MCMBP: variants seen among roughly 807,000 people sequenced by gnomAD.
The protein encoded by MCMBP is mini-chromosome maintenance complex-binding protein.
A neutral mutation model predicts 81.3 loss-of-function variants in MCMBP; 31 were observed. That is an observed-to-expected ratio of 0.38 (90% CI 0.29 to 0.51). The LOEUF (loss-of-function observed/expected upper bound fraction) is 0.51, where lower values mean the gene tolerates loss of function less well. MCMBP is among the 20% of genes least tolerant of loss of function. The pLI is 0.87. For synonymous variants in MCMBP, 267 were observed against 275.9 expected, an observed-to-expected ratio of 0.97 and a Z score of 0.32; for missense variants, 645 against 772.1, an observed-to-expected ratio of 0.84 and a Z score of 1.95.
chr10:119,861,948 G>A (rs1442946000), intron 1 of MCMBP, among the ~76,000 whole-genome samples: 1 of 152,016 alleles, frequency 6.6e-6, no homozygotes, highest in Admixed American at 6.6e-5. Flanking sequence ...TCCCTATGTT[G>A]TCCAGGTTGG....
At chr10:119,835,981 G>A (rs1852226572) in intron 13 of MCMBP, among the ~76,000 whole-genome samples, 1 of 152,024 alleles carries the variant, frequency 6.6e-6, no homozygotes, top group Non-Finnish European at 1.5e-5. Flanking sequence ...GACCACAGGT[G>A]CACGCCACCA....
At position 119,831,077 on chromosome 10, in the gene MCMBP, T is replaced by C. The variant is rs1205800507; in HGVS notation, c.*397A>G. The C allele has an allele frequency of 2.6e-5, 4 of 156,668 alleles. No individual in the cohort carries two copies. Among genetic ancestry groups the C allele is most frequent in the African/African-American group, 7.2e-5 (3 of 41,440 alleles). The allele number at this position is 156,668 out of a possible 1,614,324, so 9.7% of individuals were successfully genotyped here. On this transcript the variant is annotated 3_prime_UTR_variant, in exon 16 of 16. Transcript: ENST00000369077. ...TGGAAAAACAGAGAACTAGAAAACA[T>C]AAGAAATCCGAAGCACGATTCCTCT...
chr10:119,855,111 T>C (rs1416160046), intron 5 of MCMBP, among the ~76,000 whole-genome samples: 2 of 152,176 alleles, frequency 1.3e-5, no homozygotes, highest in African/African-American at 2.4e-5. Context: ...GTGAGCTGTA[T>C]AATCTAAGGA....
At chr10:119,853,877 T>A (rs1852924905) in intron 5 of MCMBP, among the ~76,000 whole-genome samples, 1 of 152,144 alleles carries the variant, frequency 6.6e-6, no homozygotes, top group African/African-American at 2.4e-5. Context: ...GATGATCTAC[T>A]GTTCAACAAG....
intron 1 of MCMBP, 70 bp from the exon 2 acceptor site, chr10:119,859,954 G>C: frequency 8.6e-7 from 1 of 1,165,470 alleles, no homozygotes; most frequent in Non-Finnish European, 1.2e-6. Context: ...GATCAGGTGA[G>C]TCACACAATA....
chr10:119,848,661 A>G (rs1852705434), intron 7 of MCMBP, among the ~76,000 whole-genome samples: 1 of 152,186 alleles, frequency 6.6e-6, no homozygotes, highest in Admixed American at 6.5e-5. Flanking sequence ...CAAAATGCAC[A>G]AAGAATAAGG....
At chr10:119,873,446 C>T (rs1041827665), upstream of MCMBP, 4 of 152,026 alleles carry the variant, frequency 2.6e-5, no homozygotes, top group African/African-American at 9.7e-5. Flanking sequence ...GGCGGGCGCT[C>T]TAAACGCTCC....
chr10:119,846,481 T>C (rs563867081), intron 8 of MCMBP, among the ~76,000 whole-genome samples: 30 of 152,330 alleles, frequency 2.0e-4, no homozygotes, highest in Non-Finnish European at 3.4e-4. Flanking sequence ...GAAAGTTTAA[T>C]GAGAAACTGG....
At position 119,849,562 on chromosome 10, in the gene MCMBP, G is replaced by A. The variant is rs199731846; in HGVS notation, c.589C>T (p.Leu197Phe). 2 of 1,592,430 alleles carry A rather than the reference G, an allele frequency of 1.3e-6. No individual in the cohort carries two copies. The highest frequency in any genetic ancestry group is 2.3e-5 in the East Asian group (1 of 43,768). Residue 197 changes from leucine to phenylalanine, a missense_variant, in exon 7 of 16, where the codon CTT becomes TTT. Physicochemically the swap from Leu to Phe is conservative, Grantham distance 22 (BLOSUM62 0). Coordinates refer to ENST00000369077, the MANE Select transcript of MCMBP (RefSeq NM_001256378.2). ...CGTTTTGGCTCTCCACACCATTGAA[G>A]ACCACCAACACTCCCTAAATTCAAA... ...GARQAGSVGG[L>F]QWCGEPKRLE...
chr10:119,854,656 TA>T (rs1272022771), intron 5 of MCMBP, among the ~76,000 whole-genome samples: 8 of 149,564 alleles, frequency 5.3e-5, no homozygotes, highest in Admixed American at 1.3e-4. Context: ...GATCTGTATT[TA>T]AAAAAAAAAT....
chr10:119,859,276 A>G lies in MCMBP; in HGVS notation c.145-95T>C, dbSNP rs952402147. 8 of 27,084 alleles carry G rather than the reference A, an allele frequency of 3.0e-4. No homozygotes were observed. In the African/African-American group the frequency reaches 3.5e-3, roughly 12 times the overall value. The allele number at this position is 27,084 out of a possible 1,614,324, so 1.7% of individuals were successfully genotyped here. A position where few individuals can be genotyped will look rare whatever the true frequency, so the allele number is the denominator to read the frequency against. ...ACTTTATATCCAGACTCAAACTGTTACACACACACACACACACACACACAC... is the reference window on the plus strand; with the variant it reads ...ACTTTATATCCAGACTCAAACTGTTGCACACACACACACACACACACACAC... On this transcript the variant is annotated intron_variant, in intron 2 of 15. Transcript: ENST00000369077.
chr10:119,868,666 A>C (rs1004581982), intron 1 of MCMBP, among the ~76,000 whole-genome samples: 2 of 152,214 alleles, frequency 1.3e-5, no homozygotes, highest in African/African-American at 4.8e-5. Context: ...GAATTTCAAC[A>C]ATGCACTTTA....
rs543689521 is a variant in MCMBP, at chr10:119,846,875, CCAG to C, written c.827+735_827+737del. On this transcript the variant is annotated intron_variant, in intron 8 of 15. Coordinates refer to ENST00000369077, the MANE Select transcript of MCMBP (RefSeq NM_001256378.2). ...AACTTGATTTTGGACTTCCCAGCCT[CCAG>C]AACTACTGGAAGACATATATTTCTG... Among the ~76,000 whole-genome samples the C allele has an allele frequency of 2.8e-4, 42 of 151,342 alleles. No homozygotes were observed. In the East Asian group the frequency reaches 7.4e-3, roughly 27 times the overall value.
chr10:119,859,275 TACACACACACACACACAC>T, intron 2 of MCMBP, 94 bp from the exon 3 acceptor site: 8 of 615,230 alleles, frequency 1.3e-5, no homozygotes, highest in Non-Finnish European at 1.9e-5. Flanking sequence ...CTCAAACTGT[TACACACACACACACACAC>T]ACACACACAC....
intron 7 of MCMBP, among the ~76,000 whole-genome samples, chr10:119,848,476 G>A (rs887526641): frequency 6.6e-6 from 1 of 152,028 alleles, no homozygotes; most frequent in Non-Finnish European, 1.5e-5. Context: ...AGCTGGGTGT[G>A]GTGGTGCATG....
chr10:119,870,755 A>G (rs995501698), intron 1 of MCMBP, among the ~76,000 whole-genome samples: 1 of 152,250 alleles, frequency 6.6e-6, no homozygotes, highest in Non-Finnish European at 1.5e-5. Context: ...ATGCAATACA[A>G]TCACAGTGAT....
chr10:119,861,860 TCTCCTGCGTAGCTGG>T (rs1395519966), intron 1 of MCMBP, among the ~76,000 whole-genome samples: 1 of 152,094 alleles, frequency 6.6e-6, no homozygotes, highest in African/African-American at 2.4e-5. Context: ...CTGGCCTCAG[TCTCCTGCGTAGCTGG>T]GACCACAGGC....
At chr10:119,870,498 C>T (rs1853635279) in intron 1 of MCMBP, among the ~76,000 whole-genome samples, 3 of 151,702 alleles carry the variant, frequency 2.0e-5, no homozygotes, top group African/African-American at 7.3e-5. Context: ...CTTAACTTTT[C>T]AGTTTAAAAA....
intron 8 of MCMBP, among the ~76,000 whole-genome samples, chr10:119,844,209 C>T (rs902620102): frequency 1.3e-5 from 2 of 152,138 alleles, no homozygotes; most frequent in South Asian, 4.1e-4. Context: ...CATGATCCCT[C>T]GAAGACTGAG....
Sources: gnomAD v4.1 joint callset for allele counts (sites outside exome capture counted in the v4.1 genomes callset) on GRCh38, gnomAD v4.1.1 for gene constraint, MANE v1.5 for transcripts, NCBI Gene and HGNC (gene_info 2026-07-23, HGNC 2026-07-21) for gene names.